Variants in NOS1 observed in about 807,000 individuals in gnomAD.
The protein encoded by NOS1 is NOS type I.
Under a neutral mutation model 164.5 loss-of-function variants are expected in NOS1, and 51 were observed. The observed-to-expected ratio is 0.31, with a 90% confidence interval of 0.25 to 0.39. The LOEUF (loss-of-function observed/expected upper bound fraction) is 0.39, where lower values mean the gene tolerates loss of function less well. Ranked by LOEUF, NOS1 falls within the 10% of genes least tolerant of loss-of-function variation. The pLI is 1.00. For synonymous variants in NOS1, 719 were observed against 745.8 expected (o/e 0.96, Z 0.59); for missense variants, 1,362 against 1,885.6 (o/e 0.72, Z 5.14).
In NOS1 at chr12:117,343,915, T is replaced by C. The variant is rs146082651; in HGVS notation, c.-420-12426A>G. Reference sequence around the variant, plus strand: ...CCTTTACATAGATCCACAACATCCATATAGGCCTGAATCAGTTACAAATGA... The same window carrying C: ...CCTTTACATAGATCCACAACATCCACATAGGCCTGAATCAGTTACAAATGA... On this transcript the variant is annotated intron_variant, in intron 1 of 28. Transcript: ENST00000317775. 9.1e-3 allele frequency among the ~76,000 whole-genome samples: 1,382 copies of C among 152,324 alleles called. 20 individuals are homozygous for C. Among genetic ancestry groups the C allele is most frequent in the African/African-American group, 0.031 (1,306 of 41,578 alleles).
chr12:117,248,649 A>G (rs1370600679), intron 17 of NOS1, among the ~76,000 whole-genome samples: 5 of 152,140 alleles, frequency 3.3e-5, no homozygotes, highest in Non-Finnish European at 7.3e-5. Flanking sequence ...TAATGCCGCA[A>G]TAAACATACG....
At chr12:117,293,322 G>A (rs765004864) in intron 3 of NOS1, among the ~76,000 whole-genome samples, 1 of 152,152 alleles carries the variant, frequency 6.6e-6, no homozygotes, top group Non-Finnish European at 1.5e-5. Flanking sequence ...AGTGCCGGGC[G>A]CTACCAACCA....
At chr12:117,263,207 C>G (rs1228754894) in intron 13 of NOS1, among the ~76,000 whole-genome samples, 2 of 149,752 alleles carry the variant, frequency 1.3e-5, no homozygotes, top group Non-Finnish European at 3.0e-5. Flanking sequence ...TGCTGCGACA[C>G]CCAACTAATG....
chr12:117,230,234 A>C (rs949777835), intron 22 of NOS1, among the ~76,000 whole-genome samples: 1 of 152,172 alleles, frequency 6.6e-6, no homozygotes, highest in African/African-American at 2.4e-5. Context: ...ATAAGATAAA[A>C]ACAGTGCAAT....
At chr12:117,228,504 A>G (rs146485719) in intron 22 of NOS1, among the ~76,000 whole-genome samples, 24 of 152,238 alleles carry the variant, frequency 1.6e-4, no homozygotes, top group Non-Finnish European at 2.8e-4. Context: ...CATGATGGTG[A>G]GTGACAGCCC....
At chr12:117,224,995 G>A (rs756592672) in intron 25 of NOS1, 21 bp downstream of exon 25, 1 of 1,613,962 alleles carries the variant, frequency 6.2e-7, no homozygotes. Context: ...GGAACCAAGT[G>A]GCCACTGGAC....
intron 10 of NOS1, among the ~76,000 whole-genome samples, chr12:117,270,006 C>A (rs1370074544): frequency 6.6e-6 from 1 of 152,062 alleles, no homozygotes; most frequent in Non-Finnish European, 1.5e-5. Context: ...GAGGTGGAGC[C>A]CAGGGAGATG....
At chr12:117,303,737 G>A (rs1349656884) in intron 3 of NOS1, among the ~76,000 whole-genome samples, 1 of 152,172 alleles carries the variant, frequency 6.6e-6, no homozygotes, top group Non-Finnish European at 1.5e-5. Flanking sequence ...ACAGGCAAGG[G>A]AAACGATGCT....
chr12:117,260,788 G>A (rs1592961132), intron 13 of NOS1, among the ~76,000 whole-genome samples, 179 bp from the exon 14 acceptor site: 1 of 151,294 alleles, frequency 6.6e-6, no homozygotes, highest in South Asian at 2.1e-4. Flanking sequence ...TTTAAGCACC[G>A]TATTATTAAA....
chr12:117,306,922 G>T (rs546195616), intron 3 of NOS1, among the ~76,000 whole-genome samples: 1 of 152,066 alleles, frequency 6.6e-6, no homozygotes, highest in Non-Finnish European at 1.5e-5. Context: ...GCCTGGCCCC[G>T]CATTCCTTTT....
intron 4 of NOS1, among the ~76,000 whole-genome samples, chr12:117,288,797 C>T (rs564667657): frequency 6.6e-6 from 1 of 152,132 alleles, no homozygotes; most frequent in African/African-American, 2.4e-5. Context: ...CTCTTAGAAC[C>T]CTGCAACTAC....
chr12:117,242,536 G>T, intron 20 of NOS1, 91 bp downstream of exon 20: 1 of 1,034,394 alleles, frequency 9.7e-7, no homozygotes, highest in African/African-American at 1.6e-5. Flanking sequence ...TTGGAGAACA[G>T]CCAGTCCTTG....
rs958752389 is a variant in NOS1 at position 117,356,734 on chromosome 12, A to G, written c.-421+4778T>C. Among the ~76,000 whole-genome samples the G allele has an allele frequency of 5.9e-5, 9 of 152,334 alleles. No homozygotes were observed. The highest frequency in any genetic ancestry group is 3.9e-4 in the Admixed American group (6 of 15,306). On this transcript the variant is annotated intron_variant, in intron 1 of 28. Transcript: ENST00000317775. The surrounding 1 kb of genome is among the most constrained non-coding windows in gnomAD (Gnocchi z 4.2). ...GACCCATGTCCACTATACCCTGTTAACCATACTTGAATTAGAGACTTAGGG... is the reference window on the plus strand; with the variant it reads ...GACCCATGTCCACTATACCCTGTTAGCCATACTTGAATTAGAGACTTAGGG...
Position 117,286,171 on chromosome 12 carries a change from T to A in NOS1, c.1223A>T (p.Tyr408Phe), listed in dbSNP as rs755552179. 5 of 1,614,192 alleles carry A rather than the reference T, an allele frequency of 3.1e-6. No homozygotes were observed. In the Admixed American group the frequency reaches 8.3e-5, roughly 27 times the overall value. The change falls in exon 6 of 29, where the codon TAT (tyrosine) becomes TTT (phenylalanine). Residue 408 changes from tyrosine (Y) to phenylalanine (F), a missense_variant. Tyr to Phe is a conservative substitution (Grantham distance 22). Transcript: ENST00000317775. ...TYQLKDTELI[Y>F]GAKHAWRNAS... The stretch of plus-strand genomic sequence containing the variant: ...ATTCCGCCAGGCGTGCTTGGCCCCA[T>A]AGATGAGCTCTGTGTCCTTGAGCTG...
chr12:117,240,013 A>T (rs1263646474), intron 20 of NOS1, among the ~76,000 whole-genome samples: 1 of 152,158 alleles, frequency 6.6e-6, no homozygotes, highest in Non-Finnish European at 1.5e-5. Context: ...ACTTAGTATC[A>T]AAACATTTGC....
At chr12:117,292,341 A>G (rs1873117078) in intron 3 of NOS1, among the ~76,000 whole-genome samples, 1 of 152,142 alleles carries the variant, frequency 6.6e-6, no homozygotes, top group South Asian at 2.1e-4. Flanking sequence ...AAGGACCAGC[A>G]AGGAGGTTGA....
chr12:117,296,776 T>C (rs1253191723), intron 3 of NOS1, among the ~76,000 whole-genome samples: 1 of 152,198 alleles, frequency 6.6e-6, no homozygotes, highest in East Asian at 1.9e-4. Context: ...TTTTAGGAGA[T>C]AATGAAGGTT....
At chr12:117,282,673 G>C (rs1873773300) in intron 7 of NOS1, among the ~76,000 whole-genome samples, 1 of 152,196 alleles carries the variant, frequency 6.6e-6, no homozygotes, top group African/African-American at 2.4e-5. Context: ...AAATCACATA[G>C]AGGCAAAGAT....
chr12:117,295,809 A>G (rs1873379251), intron 3 of NOS1, among the ~76,000 whole-genome samples: 1 of 146,064 alleles, frequency 6.8e-6, no homozygotes, highest in African/African-American at 2.5e-5. Flanking sequence ...TTTTTTTTTT[A>G]GTAGAGACGA....
Sources: gnomAD v4.1 joint callset for allele counts (sites outside exome capture counted in the v4.1 genomes callset) on GRCh38, gnomAD v4.1.1 for gene constraint, Gnocchi (gnomAD v3.1) non-coding constraint, MANE v1.5 for transcripts, NCBI Gene and HGNC (gene_info 2026-07-23, HGNC 2026-07-21) for gene names.